Variants in FKBP1B observed in about 807,000 individuals in gnomAD.
FKBP1B encodes peptidyl-prolyl cis-trans isomerase FKBP1B.
Under a neutral mutation model 13.5 loss-of-function variants are expected in FKBP1B, and 4 were observed. That is an observed-to-expected ratio of 0.30 (90% CI 0.15 to 0.68). The LOEUF (loss-of-function observed/expected upper bound fraction) is 0.68, where lower values mean the gene tolerates loss of function less well. Ranked by LOEUF, FKBP1B falls within the 30% of genes least tolerant of loss-of-function variation. The probability of loss-of-function intolerance (pLI) is 0.76; values close to 1 mark genes in which losing one functional copy is unlikely to be tolerated. For missense variants in FKBP1B, 93 were observed against 136.2 expected, an observed-to-expected ratio of 0.68 and a Z score of 1.58; for synonymous variants, 54 against 53.6, an observed-to-expected ratio of 1.01 and a Z score of -0.03.
the FKBP1B span, chr2:24,038,606 C>A: frequency 6.2e-7 from 1 of 1,614,034 alleles, no homozygotes; most frequent in East Asian, 2.2e-5. Context: ...AGAGAATTAC[C>A]CTCAGACTTA....
intron 2 of FKBP1B, among the ~76,000 whole-genome samples, chr2:24,057,373 G>GT (rs1553320532): frequency 7.3e-5 from 11 of 150,124 alleles, no homozygotes; most frequent in South Asian, 6.3e-4. Flanking sequence ...TTTTTTTTTG[G>GT]TTTTTTTTTG....
chr2:24,062,036 A>AT (rs900334095), intron 3 of FKBP1B, among the ~76,000 whole-genome samples: 32 of 150,670 alleles, frequency 2.1e-4, no homozygotes, highest in African/African-American at 7.6e-4. Flanking sequence ...CGGCCGGCTA[A>AT]TTTTTTTGTA....
upstream of FKBP1B, among the ~76,000 whole-genome samples, chr2:24,046,107 C>A (rs1663616939): frequency 7.9e-6 from 1 of 126,082 alleles, no homozygotes. Context: ...GAGTGAGACC[C>A]TGTTGGGGAG....
At position 24,051,105 on chromosome 2, in the gene FKBP1B, G is replaced by A. The variant is rs192325968; in HGVS notation, c.37+1219G>A. 1.3e-3 allele frequency among the ~76,000 whole-genome samples: 192 copies of A among 152,322 alleles called. 1 individual carries two copies. The highest frequency in any genetic ancestry group is 4.5e-3 in the African/African-American group (185 of 41,566). On this transcript the variant is annotated intron_variant, in intron 1 of 3. Coordinates refer to ENST00000380986, the MANE Select transcript of FKBP1B (RefSeq NM_004116.5). ...AATCCCAGCACTTTGGGAGGCTGAGGCGGGCGGATCACAAGGTCAGGAGTT... is the reference window on the plus strand; with the variant it reads ...AATCCCAGCACTTTGGGAGGCTGAGACGGGCGGATCACAAGGTCAGGAGTT...
intron 1 of FKBP1B, 60 bp downstream of exon 1, chr2:24,049,946 C>T: frequency 3.9e-6 from 5 of 1,283,630 alleles, no homozygotes; most frequent in South Asian, 1.9e-5. Context: ...GCCCGGAGGG[C>T]GGGGGTCTGA....
chr2:24,053,537 G>A (rs2150962800), intron 1 of FKBP1B, among the ~76,000 whole-genome samples: 1 of 151,866 alleles, frequency 6.6e-6, no homozygotes, highest in East Asian at 1.9e-4. Context: ...TTCCTCATGA[G>A]TTCATACATT....
rs1664484037 is a variant in FKBP1B, at chr2:24,063,267, T to G, written c.*75T>G. Reference sequence around the variant, plus strand: ...TAGCCTGCTCTGCCACTGGGACGGCTCCTGCTTTTGGGGCTCTTGATCAGT... The same window carrying G: ...TAGCCTGCTCTGCCACTGGGACGGCGCCTGCTTTTGGGGCTCTTGATCAGT... On this transcript the variant is annotated 3_prime_UTR_variant, in exon 4 of 4. Transcript: ENST00000380986. 2 of 1,428,728 alleles carry G rather than the reference T, an allele frequency of 1.4e-6. No homozygotes were observed. The highest frequency in any genetic ancestry group is 4.8e-5 in the East Asian group (2 of 41,992). The allele number at this position is 1,428,728 out of a possible 1,614,324, so 88.5% of individuals were successfully genotyped here. A position where few individuals can be genotyped will look rare whatever the true frequency, so the allele number is the denominator to read the frequency against.
chr2:24,036,252 T>C, the FKBP1B span, among the ~76,000 whole-genome samples: 2 of 151,690 alleles, frequency 1.3e-5, no homozygotes, highest in South Asian at 4.2e-4. Context: ...ACACCTGTAA[T>C]CCCAGCACTT....
intron 2 of FKBP1B, among the ~76,000 whole-genome samples, 182 bp from the exon 3 acceptor site, chr2:24,060,632 G>A (rs1303996723): frequency 6.6e-6 from 1 of 152,192 alleles, no homozygotes; most frequent in Non-Finnish European, 1.5e-5. Context: ...GTGATAGGCA[G>A]TATGTGGGGG....
In FKBP1B at chr2:24,062,962, A is replaced by G. The variant is rs920407286; in HGVS notation, c.199-102A>G. On this transcript the variant is annotated intron_variant, in intron 3 of 3. Coordinates refer to ENST00000380986, the MANE Select transcript of FKBP1B (RefSeq NM_004116.5). ...TTCATCTGAGATCTTCAGAGTTAAC[A>G]TTGAGGATGGTTTGGGAAAATGCCA... is the stretch of plus-strand genomic sequence containing the variant. 4 of 1,548,458 alleles carry G rather than the reference A, an allele frequency of 2.6e-6. No homozygotes were observed. The African/African-American group carries it at 4.1e-5, about 16-fold the overall frequency.
At position 24,050,805 on chromosome 2, in the gene FKBP1B, A is replaced by T. The variant is rs188776723; in HGVS notation, c.37+919A>T. 1.3e-4 allele frequency among the ~76,000 whole-genome samples: 20 copies of T among 152,236 alleles called. No individual in the cohort carries two copies. Among genetic ancestry groups the T allele is most frequent in the Non-Finnish European group, 2.1e-4 (14 of 68,038 alleles). ...AGCTCCCCTCCCCAGGAAATTGGAT[A>T]ACTTCTTGGCTCCAGGCCATCTTCC... On this transcript the variant is annotated intron_variant, in intron 1 of 3. Transcript: ENST00000380986. The surrounding 1 kb of genome is among the most constrained non-coding windows in gnomAD (Gnocchi z 5.8).
the FKBP1B span, chr2:24,039,281 C>T: frequency 6.2e-7 from 1 of 1,614,214 alleles, no homozygotes; most frequent in Non-Finnish European, 8.5e-7. Context: ...ACAGGTGTAT[C>T]ATCTGCAACA....
At chr2:24,037,569 A>C in the FKBP1B span, 1 of 1,247,940 alleles carries the variant, frequency 8.0e-7, no homozygotes, top group Non-Finnish European at 1.1e-6. Context: ...TGCCCAGCTT[A>C]GTGAAGCTCA....
the FKBP1B span, among the ~76,000 whole-genome samples, chr2:24,034,374 C>T: frequency 6.6e-3 from 1,005 of 152,104 alleles, 5 homozygotes; most frequent in African/African-American, 0.018. Context: ...GAGCCAAGAT[C>T]GCGCCACTGC....
chr2:24,044,306 G>A, the FKBP1B span, among the ~76,000 whole-genome samples: 2 of 151,996 alleles, frequency 1.3e-5, no homozygotes, highest in South Asian at 2.1e-4. Flanking sequence ...GTCTTGCTCC[G>A]TTACCCAGGC....
upstream of FKBP1B, among the ~76,000 whole-genome samples, chr2:24,047,629 CA>C (rs552520554): frequency 4.7e-3 from 719 of 152,372 alleles, 5 homozygotes; most frequent in Non-Finnish European, 4.9e-3. Context: ...AAGCCCGCCA[CA>C]TTTTCCCTCC....
the FKBP1B span, chr2:24,038,875 C>G: frequency 6.2e-7 from 1 of 1,614,222 alleles, no homozygotes; most frequent in Non-Finnish European, 8.5e-7. Context: ...TGTGATGGAG[C>G]AGACGTGGCT....
the FKBP1B span, among the ~76,000 whole-genome samples, chr2:24,035,885 AC>A: frequency 1.2e-4 from 18 of 151,568 alleles, no homozygotes; most frequent in East Asian, 2.5e-3. Flanking sequence ...CCTGGCCAAC[AC>A]GGTGAAACCC....
At chr2:24,037,720 T>A in the FKBP1B span, 4 of 1,614,044 alleles carry the variant, frequency 2.5e-6, no homozygotes, top group Non-Finnish European at 2.5e-6. Context: ...AGAGAGTGGA[T>A]ACACTGAAGA....
Sources: gnomAD v4.1 joint callset for allele counts (sites outside exome capture counted in the v4.1 genomes callset) on GRCh38, gnomAD v4.1.1 for gene constraint, Gnocchi (gnomAD v3.1) non-coding constraint, MANE v1.5 for transcripts, NCBI Gene and HGNC (gene_info 2026-07-23, HGNC 2026-07-21) for gene names.